The following TSNARE1 variants were observed in gnomAD, a reference collection of about 807,000 sequenced individuals.
TSNARE1 encodes t-SNARE domain containing 1, also known as t-SNARE domain-containing protein 1.
Under a neutral mutation model 62.0 loss-of-function variants are expected in TSNARE1, and 49 were observed. The observed-to-expected ratio is 0.79, with a 90% CI of 0.63 to 1.00. The LOEUF (loss-of-function observed/expected upper bound fraction) is 1.00, where lower values mean the gene tolerates loss of function less well. TSNARE1 is among the 50% of genes least tolerant of loss of function. The probability of loss-of-function intolerance (pLI) is 0.00; values close to 1 mark genes in which losing one functional copy is unlikely to be tolerated. For synonymous variants in TSNARE1, 328 were observed against 294.4 expected (o/e 1.11, Z -1.17); for missense variants, 755 against 700.1 (o/e 1.08, Z -0.88).
At chr8:142,388,583 A>G in intron 1 of TSNARE1, among the ~76,000 whole-genome samples, 1 of 121,606 alleles carries the variant, frequency 8.2e-6, no homozygotes, top group South Asian at 2.9e-4. Context: ...TTTGAGACAG[A>G]GTCTCGCTCT....
At chr8:142,278,605 C>A (rs1422946127) in intron 11 of TSNARE1, 3 of 985,296 alleles carry the variant, frequency 3.0e-6, no homozygotes, top group Non-Finnish European at 3.6e-6. Flanking sequence ...CAGGAGGAAG[C>A]ACGGAGCCAG....
At chr8:142,375,232 G>A (rs1836242484) in intron 1 of TSNARE1, among the ~76,000 whole-genome samples, 1 of 152,256 alleles carries the variant, frequency 6.6e-6, no homozygotes, top group South Asian at 2.1e-4. Flanking sequence ...CAGTCTCCCA[G>A]CTGCTCCCGG....
chr8:142,313,217 C>T (rs535777514), intron 9 of TSNARE1, among the ~76,000 whole-genome samples: 5 of 150,954 alleles, frequency 3.3e-5, no homozygotes, highest in South Asian at 2.1e-4. Flanking sequence ...CACGTGTCTG[C>T]GTGTCTGTGT....
At chr8:142,356,904 A>C (rs1834784691) in intron 1 of TSNARE1, among the ~76,000 whole-genome samples, 2 of 152,040 alleles carry the variant, frequency 1.3e-5, no homozygotes, top group Non-Finnish European at 2.9e-5. Flanking sequence ...TCAGATAACA[A>C]AGGCTGTGTT....
intron 9 of TSNARE1, 57 bp from the exon 10 acceptor site, chr8:142,300,701 C>G: frequency 6.4e-7 from 1 of 1,556,672 alleles, no homozygotes; most frequent in Non-Finnish European, 8.7e-7. Context: ...CACCACAACC[C>G]AGGCCCAGAA....
chr8:142,236,769 G>A (rs1004937810), intron 12 of TSNARE1, among the ~76,000 whole-genome samples: 57 of 152,230 alleles, frequency 3.7e-4, no homozygotes, highest in African/African-American at 1.3e-3. Flanking sequence ...CTCATGTTGC[G>A]TATCAATTAG....
intron 9 of TSNARE1, among the ~76,000 whole-genome samples, chr8:142,305,052 C>G (rs1826432598): frequency 6.6e-6 from 1 of 152,188 alleles, no homozygotes; most frequent in African/African-American, 2.4e-5. Context: ...AGCCTGCCCT[C>G]GGCCCTGACA....
intron 11 of TSNARE1, among the ~76,000 whole-genome samples, chr8:142,283,490 T>C (rs1586530860): frequency 7.3e-6 from 1 of 136,610 alleles, no homozygotes; most frequent in Non-Finnish European, 1.6e-5. Flanking sequence ...CCAGTGTCTG[T>C]CAATGAGCGG....
chr8:142,380,848 T>C (rs1836688304), intron 1 of TSNARE1, among the ~76,000 whole-genome samples: 3 of 151,920 alleles, frequency 2.0e-5, no homozygotes. Flanking sequence ...GAACGAGTAC[T>C]ATCTTAGGAA....
rs897255097 is a variant in TSNARE1, at chr8:142,280,384, G to A, written c.1363+4029C>T. The A allele has an allele frequency of 2.3e-5, 22 of 950,574 alleles. No homozygotes were observed. In the South Asian group the frequency reaches 5.3e-4, roughly 23 times the overall value. The allele number at this position is 950,574 out of a possible 1,614,324, so 58.9% of individuals were successfully genotyped here. ...GACCCTGGGGAGAGCAGCCAGGTTC[G>A]GGGTCACAGGTCATCACAGGCCCTG... On this transcript the variant is annotated intron_variant, in intron 11 of 13. Coordinates refer to ENST00000524325, the MANE Select transcript of TSNARE1 (RefSeq NM_145003.5).
chr8:142,325,503 G>A (rs977148653), intron 6 of TSNARE1, among the ~76,000 whole-genome samples: 8 of 152,222 alleles, frequency 5.3e-5, no homozygotes, highest in Non-Finnish European at 8.8e-5. Flanking sequence ...TGGAGAGGAG[G>A]TGAGAAGTGC....
chr8:142,320,089 C>T (rs187624842), intron 6 of TSNARE1, among the ~76,000 whole-genome samples: 15 of 152,254 alleles, frequency 9.9e-5, no homozygotes, highest in Non-Finnish European at 1.8e-4. Flanking sequence ...TGGGCTGCCA[C>T]GCAGCCTCCT....
intron 13 of TSNARE1, among the ~76,000 whole-genome samples, chr8:142,229,025 G>A (rs934916177): frequency 4.0e-5 from 6 of 151,454 alleles, no homozygotes; most frequent in African/African-American, 1.2e-4. Flanking sequence ...GTTGATGGAT[G>A]GATGGATGGA....
At chr8:142,382,165 C>CA (rs1836811316) in intron 1 of TSNARE1, among the ~76,000 whole-genome samples, 1 of 152,006 alleles carries the variant, frequency 6.6e-6, no homozygotes, top group South Asian at 2.1e-4. Flanking sequence ...ATGTGTGCGA[C>CA]AGAGAGCCAG....
intron 4 of TSNARE1, among the ~76,000 whole-genome samples, chr8:142,337,276 G>T (rs968927485): frequency 2.6e-5 from 4 of 152,180 alleles, no homozygotes; most frequent in Non-Finnish European, 2.9e-5. Flanking sequence ...TAATTAATTG[G>T]GCATATCTTT....
intron 1 of TSNARE1, among the ~76,000 whole-genome samples, chr8:142,382,841 A>G (rs1157315716): frequency 6.6e-6 from 1 of 152,228 alleles, no homozygotes; most frequent in Non-Finnish European, 1.5e-5. Context: ...CCTTCCACAG[A>G]TCACAGAGTT....
chr8:142,273,680 C>A, intron 12 of TSNARE1: 1 of 985,418 alleles, frequency 1.0e-6, no homozygotes, highest in Non-Finnish European at 1.2e-6. Context: ...ATCAGCCTCC[C>A]CGTTACCACA....
At chr8:142,244,473 G>A (rs563568219) in intron 12 of TSNARE1, among the ~76,000 whole-genome samples, 17 of 152,244 alleles carry the variant, frequency 1.1e-4, no homozygotes, top group Admixed American at 7.2e-4. Context: ...TAAAGAGGGC[G>A]TCAGTAAACA....
intron 1 of TSNARE1, among the ~76,000 whole-genome samples, chr8:142,388,113 G>C (rs79110776): frequency 1.3e-5 from 2 of 151,988 alleles, no homozygotes; most frequent in Non-Finnish European, 2.9e-5. Context: ...TAGCAACTTC[G>C]TTTGTATAAT....
Sources: gnomAD v4.1 joint callset for allele counts (sites outside exome capture counted in the v4.1 genomes callset) on GRCh38, gnomAD v4.1.1 for gene constraint, MANE v1.5 for transcripts, NCBI Gene and HGNC (gene_info 2026-07-23, HGNC 2026-07-21) for gene names.